The following NECTIN4 variants were observed in gnomAD, a reference collection of about 807,000 sequenced individuals.
NECTIN4 encodes nectin-4.
In NECTIN4, 19 loss-of-function variants were observed where a neutral mutation model predicts 51.7. The ratio of observed to expected loss-of-function variants is 0.37; its 90% CI spans 0.26 to 0.54. The LOEUF (loss-of-function observed/expected upper bound fraction) is 0.54, where lower values mean the gene tolerates loss of function less well. Among genes scored for constraint, NECTIN4 ranks in the 20% least tolerant of loss-of-function variants. The pLI is 0.86. For synonymous variants in NECTIN4, 283 were observed against 286.9 expected (o/e 0.99, Z 0.14); for missense variants, 619 against 662.4 (o/e 0.93, Z 0.72).
intron 3 of NECTIN4, among the ~76,000 whole-genome samples, chr1:161,076,927 T>C (rs1254442521): frequency 6.6e-6 from 1 of 152,240 alleles, no homozygotes; most frequent in African/African-American, 2.4e-5. Context: ...AGGCTTGAAA[T>C]CTAGCACTGG....
chr1:161,080,063 TGC>T, intron 1 of NECTIN4, 114 bp from the exon 2 acceptor site: 1 of 1,313,084 alleles, frequency 7.6e-7, no homozygotes, highest in Non-Finnish European at 1.0e-6. Flanking sequence ...CATTTGGGCT[TGC>T]AAAGCACATT....
In NECTIN4 at chr1:161,073,207, TG is replaced by T; in HGVS notation, c.1308+17del. On this transcript the variant is annotated intron_variant, in intron 8 of 8. Transcript: ENST00000368012. ...CCGAGGAGAGTGGTGGGGACACCGG[TG>T]GGGCCGGGGGCCTCACCATCACAGA... The T allele has an allele frequency of 1.2e-6, 2 of 1,611,296 alleles. No individual in the cohort carries two copies. The highest frequency in any genetic ancestry group is 2.2e-5 in the East Asian group (1 of 44,864).
At position 161,073,355 on chromosome 1, in the gene NECTIN4, C is replaced by T. The variant is rs997902060; in HGVS notation, c.1234-56G>A. The T allele has an allele frequency of 2.8e-6, 4 of 1,444,324 alleles. No homozygotes were observed. The African/African-American group carries it at 5.6e-5, about 20-fold the overall frequency. 89.5% of individuals were successfully genotyped at this position (1,444,324 alleles called of 1,614,324 possible). A position where few individuals can be genotyped will look rare whatever the true frequency, so the allele number is the denominator to read the frequency against. ...CAGGGCTCAGCCTCCTCCCCTCAGC[C>T]TCTTCCCCTCTTGTCCTCCACCAGC... On this transcript the variant is annotated intron_variant, in intron 7 of 8. Coordinates refer to ENST00000368012, the MANE Select transcript of NECTIN4 (RefSeq NM_030916.3).
intron 1 of NECTIN4, among the ~76,000 whole-genome samples, chr1:161,085,320 C>T (rs1653892777): frequency 1.3e-5 from 2 of 152,124 alleles, no homozygotes; most frequent in Non-Finnish European, 2.9e-5. Flanking sequence ...CCAGACACAG[C>T]TCCCAGCACA....
chr1:161,088,063 G>A (rs1654026654), intron 1 of NECTIN4, among the ~76,000 whole-genome samples: 1 of 152,308 alleles, frequency 6.6e-6, no homozygotes, highest in South Asian at 2.1e-4. Context: ...GTGAGGGGAT[G>A]GCAGGGGTAG....
At position 161,089,333 on chromosome 1, in the gene NECTIN4, C is replaced by G. The variant is rs1430061613; in HGVS notation, c.-37G>C. On this transcript the variant is annotated 5_prime_UTR_variant, in exon 1 of 9. Transcript: ENST00000368012. This position sits in a 1 kb window ranked among gnomAD's most constrained non-coding sequence, Gnocchi z 4.1. ...AGACTGCCCAGCGTTTCTGAAGTTC[C>G]ACCGAGATCTCCCTGGGAGCCGGCT... is the stretch of plus-strand genomic sequence containing the variant. 2 of 1,576,966 alleles carry G rather than the reference C, an allele frequency of 1.3e-6. No homozygotes were observed. The highest frequency in any genetic ancestry group is 2.7e-5 in the African/African-American group (2 of 74,276).
Position 161,072,902 on chromosome 1 carries a change from A to T in NECTIN4, c.1309-17T>A. On this transcript the variant is annotated splice_polypyrimidine_tract_variant and intron_variant, in intron 8 of 8. Transcript: ENST00000368012. ...CTCTTCACTCTGGAGACCAAGGGCA[A>T]AGGGCAAGTCAGGAACAAAGGCAGG... is the stretch of plus-strand genomic sequence containing the variant. 1 of 1,602,850 alleles carries T rather than the reference A, an allele frequency of 6.2e-7. No homozygotes were observed. The highest frequency in any genetic ancestry group is 1.7e-4 in the Middle Eastern group (1 of 5,946).
chr1:161,077,515 C>G lies in NECTIN4; in HGVS notation c.668G>C (p.Cys223Ser). The G allele has an allele frequency of 6.2e-7, 1 of 1,614,114 alleles. No homozygotes were observed. ...GAGCAGGCCAGGATGGGACACCACA[C>G]AAGTCAGTGGCTGCCCATTCATGCT... The part of the protein sequence containing the change: ...SRSMNGQPLT[C>S]VVSHPGLLQD... Residue 223 changes from cysteine (C) to serine (S), a missense_variant, in exon 3 of 9, where the codon TGT becomes TCT. Coordinates refer to ENST00000368012, the MANE Select transcript of NECTIN4 (RefSeq NM_030916.3).
In NECTIN4 at chr1:161,089,290, G is replaced by A. The variant is rs754924562; in HGVS notation, c.7C>T (p.Leu3=). 4 of 1,609,496 alleles carry A rather than the reference G, an allele frequency of 2.5e-6. No homozygotes were observed. The highest frequency in any genetic ancestry group is 1.3e-5 in the African/African-American group (1 of 74,808). ...CCCCACATCTCGGCTCCCAGGGACAGGGGCATGGTTGAAAGGCAGACTGCC... is the reference window on the plus strand; with the variant it reads ...CCCCACATCTCGGCTCCCAGGGACAAGGGCATGGTTGAAAGGCAGACTGCC... The part of the protein sequence containing the change: MP[L]SLGAEMWGPE... The change falls in exon 1 of 9, where the codon CTG becomes TTG. Residue 3 remains leucine, a synonymous_variant. Coordinates refer to ENST00000368012, the MANE Select transcript of NECTIN4 (RefSeq NM_030916.3). This position sits in a 1 kb window ranked among gnomAD's most constrained non-coding sequence, Gnocchi z 4.1.
chr1:161,088,328 T>C (rs1654041413), intron 1 of NECTIN4, among the ~76,000 whole-genome samples: 1 of 152,090 alleles, frequency 6.6e-6, no homozygotes, highest in South Asian at 2.1e-4. Flanking sequence ...AATATTTCTG[T>C]TACTCATTAC....
chr1:161,088,356 G>T (rs989647700), intron 1 of NECTIN4, among the ~76,000 whole-genome samples: 2 of 151,978 alleles, frequency 1.3e-5, no homozygotes, highest in Non-Finnish European at 2.9e-5. Flanking sequence ...ACACCCTATG[G>T]AATCCCACTG....
At chr1:161,082,536 CAG>C (rs1418176199) in intron 1 of NECTIN4, among the ~76,000 whole-genome samples, 2 of 152,038 alleles carry the variant, frequency 1.3e-5, no homozygotes, top group East Asian at 3.9e-4. Flanking sequence ...CAGAATGGAT[CAG>C]AGAGTTTTAG....
chr1:161,085,468 C>T (rs904824963), intron 1 of NECTIN4, among the ~76,000 whole-genome samples: 1 of 152,120 alleles, frequency 6.6e-6, no homozygotes, highest in Non-Finnish European at 1.5e-5. Flanking sequence ...CACTGCCCCT[C>T]CACCCACCAT....
rs368022064 is a variant in NECTIN4, at chr1:161,079,854, C to T, written c.175G>A (p.Gly59Ser). The change falls in exon 2 of 9, where the codon GGC (glycine) becomes AGC (serine). Residue 59 changes from glycine to serine, a missense_variant. Physicochemically the swap from Gly to Ser is moderately conservative, Grantham distance 56. Transcript: ENST00000368012. ...CATGCCACTTGCCCCACTTGCTCGC[C>T]GGAGTCCCCTCGGTAGAAGCAGGGC... Reference protein sequence around the residue: ...KLPCFYRGDSGEQVGQVAWAR... With the variant: ...KLPCFYRGDSSEQVGQVAWAR... 1.2e-5 allele frequency: 20 copies of T among 1,613,934 alleles called. No homozygotes were observed. The South Asian group carries it at 1.9e-4, about 15-fold the overall frequency.
chr1:161,074,899 C>T, intron 4 of NECTIN4, 140 bp from the exon 5 acceptor site: 1 of 904,788 alleles, frequency 1.1e-6, no homozygotes, highest in Non-Finnish European at 1.7e-6. Flanking sequence ...CCCCTCCCTC[C>T]ACCAGGCAGG....
chr1:161,075,798 C>T (rs1273564759), intron 4 of NECTIN4, among the ~76,000 whole-genome samples: 1 of 151,446 alleles, frequency 6.6e-6, no homozygotes, highest in African/African-American at 2.4e-5. Context: ...AAGACAAGGG[C>T]TGGGCGTGGT....
At position 161,089,329 on chromosome 1, in the gene NECTIN4, G is replaced by C; in HGVS notation, c.-33C>G. The C allele has an allele frequency of 6.3e-7, 1 of 1,583,576 alleles. No individual in the cohort carries two copies. Among genetic ancestry groups the C allele is most frequent in the Non-Finnish European group, 8.6e-7 (1 of 1,164,354 alleles). ...AGGCAGACTGCCCAGCGTTTCTGAA[G>C]TTCCACCGAGATCTCCCTGGGAGCC... On this transcript the variant is annotated 5_prime_UTR_variant, in exon 1 of 9. Coordinates refer to ENST00000368012, the MANE Select transcript of NECTIN4 (RefSeq NM_030916.3). This position sits in a 1 kb window ranked among gnomAD's most constrained non-coding sequence, Gnocchi z 4.1.
In NECTIN4 at chr1:161,072,564, G is replaced by T; in HGVS notation, c.*97C>A. 9.8e-7 allele frequency: 1 copy of T among 1,015,390 alleles called. No homozygotes were observed. Among genetic ancestry groups the T allele is most frequent in the Non-Finnish European group, 1.6e-6 (1 of 641,314 alleles). The allele number at this position is 1,015,390 out of a possible 1,614,324, so 62.9% of individuals were successfully genotyped here. A position where few individuals can be genotyped will look rare whatever the true frequency, so the allele number is the denominator to read the frequency against. On this transcript the variant is annotated 3_prime_UTR_variant, in exon 9 of 9. Transcript: ENST00000368012. ...GTCAGTGGGATGGGGAGCATCTTCCGCAAGAAATGGGGGTGTTTAAGGAGG... is the reference window on the plus strand; with the variant it reads ...GTCAGTGGGATGGGGAGCATCTTCCTCAAGAAATGGGGGTGTTTAAGGAGG...
chr1:161,078,677 A>G (rs1653525859), intron 2 of NECTIN4, among the ~76,000 whole-genome samples: 1 of 152,134 alleles, frequency 6.6e-6, no homozygotes. Context: ...CCGTAAGTCC[A>G]GAGTTCACCA....
Sources: allele counts gnomAD v4.1 joint callset (sites outside exome capture counted in the v4.1 genomes callset), GRCh38; gene constraint gnomAD v4.1.1; non-coding constraint Gnocchi (gnomAD v3.1); transcripts MANE v1.5; gene names NCBI Gene and HGNC (gene_info 2026-07-23, HGNC 2026-07-21).